The following TCF7L2 variants were observed in gnomAD, a reference collection of about 807,000 sequenced individuals.
TCF7L2 encodes the protein transcription factor 7 like 2.
In TCF7L2, 23 loss-of-function variants were observed where a neutral mutation model predicts 77.9. The observed-to-expected ratio is 0.30, with a 90% CI of 0.21 to 0.42. The LOEUF is 0.42. Among genes scored for constraint, TCF7L2 ranks in the 10% least tolerant of loss-of-function variants. The pLI, the probability that TCF7L2 is intolerant of heterozygous loss-of-function variation, is 1.00. For synonymous variants in TCF7L2, 413 were observed against 340.2 expected, an observed-to-expected ratio of 1.21 and a Z score of -2.36; for missense variants, 654 against 793.1, an observed-to-expected ratio of 0.82 and a Z score of 2.11.
intron 5 of TCF7L2, among the ~76,000 whole-genome samples, chr10:113,122,729 G>C (rs1201613361): frequency 6.6e-6 from 1 of 152,172 alleles, no homozygotes; most frequent in East Asian, 1.9e-4. Flanking sequence ...AAGTTACTAA[G>C]ATTATTAGCG....
chr10:113,047,698 C>T (rs1010901472), intron 5 of TCF7L2, among the ~76,000 whole-genome samples: 7 of 152,000 alleles, frequency 4.6e-5, no homozygotes, highest in Non-Finnish European at 7.4e-5. Context: ...ACTATTTATT[C>T]GATGCTATGT....
At chr10:113,027,006 G>A (rs140037771) in intron 4 of TCF7L2, among the ~76,000 whole-genome samples, 2 of 152,214 alleles carry the variant, frequency 1.3e-5, no homozygotes, top group African/African-American at 4.8e-5. Context: ...AGCAGAGAAC[G>A]AGTTGGGTTA....
chr10:112,966,210 A>ATATATATATATATT (rs1554877072), intron 4 of TCF7L2, among the ~76,000 whole-genome samples: 10 of 108,634 alleles, frequency 9.2e-5, no homozygotes, highest in Middle Eastern at 5.0e-3. Flanking sequence ...ATATATATAT[A>ATATATATATATATT]TTTTCTTTTC....
At chr10:113,110,390 T>TA (rs1555073690) in intron 5 of TCF7L2, among the ~76,000 whole-genome samples, 4 of 106,164 alleles carry the variant, frequency 3.8e-5, no homozygotes, top group African/African-American at 1.3e-4. Context: ...TTTTTTTTTT[T>TA]ACGAATTTTT....
chr10:112,997,485 A>G (rs2043687005), intron 4 of TCF7L2, among the ~76,000 whole-genome samples: 1 of 152,236 alleles, frequency 6.6e-6, no homozygotes, highest in Non-Finnish European at 1.5e-5. Context: ...TGGTAGTGCC[A>G]TCCAATGATA....
intron 3 of TCF7L2, chr10:112,951,823 C>T (rs892961572): frequency 1.8e-5 from 3 of 162,178 alleles, no homozygotes; most frequent in African/African-American, 7.3e-5. Flanking sequence ...TCGCCACGTT[C>T]TTGCTTTCAG....
intron 12 of TCF7L2, 142 bp downstream of exon 13, chr10:113,158,859 C>A: frequency 7.0e-6 from 5 of 711,846 alleles, no homozygotes; most frequent in East Asian, 3.4e-5. Flanking sequence ...TCGTATGTTT[C>A]AGTAGATTTT....
chr10:113,001,274 C>T (rs1327035141), intron 4 of TCF7L2, among the ~76,000 whole-genome samples: 1 of 152,212 alleles, frequency 6.6e-6, no homozygotes, highest in Non-Finnish European at 1.5e-5. Context: ...AGTGGTCCAA[C>T]AAAGAGTATT....
Position 113,036,317 on chromosome 10 carries a change from G to T in TCF7L2, c.451-3708G>T, listed in dbSNP as rs191044517. ...GATGAAGGCCCCTCTATGGGAGCAG[G>T]ATCAGTCTGGCTTTAGTAGATGCCA... On this transcript the variant is annotated intron_variant, in intron 4 of 13. Coordinates refer to ENST00000627217, the MANE Select transcript of TCF7L2 (RefSeq NM_001146274.2). 1.8e-3 allele frequency among the ~76,000 whole-genome samples: 274 copies of T among 152,188 alleles called. 1 individual carries two copies. The highest frequency in any genetic ancestry group is 5.5e-3 in the African/African-American group (229 of 41,528).
Position 113,130,180 on chromosome 10 carries a change from T to A in TCF7L2, c.553-11004T>A, listed in dbSNP as rs142828852. 4.3e-3 allele frequency among the ~76,000 whole-genome samples: 656 copies of A among 152,188 alleles called. 4 individuals carry two copies. Among genetic ancestry groups the A allele is most frequent in the African/African-American group, 0.015 (624 of 41,516 alleles). On this transcript the variant is annotated intron_variant, in intron 5 of 13. Coordinates refer to ENST00000627217, the MANE Select transcript of TCF7L2 (RefSeq NM_001146274.2). ...TTGAGTCCTTTTCACAGCAGTTTTT[T>A]GGGGAGGGGGAGAAAGGGTTAAAAA...
intron 5 of TCF7L2, among the ~76,000 whole-genome samples, chr10:113,083,879 C>A (rs755126558): frequency 3.3e-5 from 5 of 152,138 alleles, no homozygotes; most frequent in African/African-American, 1.2e-4. Context: ...ATGCATAGAA[C>A]CTTGAACTCT....
intron 5 of TCF7L2, among the ~76,000 whole-genome samples, chr10:113,087,790 T>C (rs1490268416): frequency 6.6e-6 from 1 of 152,190 alleles, no homozygotes; most frequent in Non-Finnish European, 1.5e-5. Context: ...GGGGCAGCAA[T>C]GGCCCCCTCT....
rs149500203 is a variant in TCF7L2, at chr10:113,004,844, C to T, written c.451-35181C>T. On this transcript the variant is annotated intron_variant, in intron 4 of 13. Coordinates refer to ENST00000627217, the MANE Select transcript of TCF7L2 (RefSeq NM_001146274.2). ...CCCGCCACCATGCCCGGCTAATTTT[C>T]GTGTGTTTTAGTAGAGATGGGGTTC... Among the ~76,000 whole-genome samples, 172 of 152,050 alleles carry T rather than the reference C, an allele frequency of 1.1e-3. 1 individual carries two copies. The highest frequency in any genetic ancestry group is 3.8e-3 in the African/African-American group (157 of 41,522).
chr10:113,054,852 A>AT (rs959881012), intron 5 of TCF7L2, among the ~76,000 whole-genome samples: 18 of 151,406 alleles, frequency 1.2e-4, no homozygotes, highest in Non-Finnish European at 1.6e-4. Flanking sequence ...TTTTATTTTT[A>AT]TTTTTTTCTT....
intron 4 of TCF7L2, among the ~76,000 whole-genome samples, chr10:112,997,906 A>C (rs1429640472): frequency 6.6e-6 from 1 of 152,266 alleles, no homozygotes; most frequent in Non-Finnish European, 1.5e-5. Context: ...GTGACACCTG[A>C]CGTATCTGTA....
rs117937073 is a variant in TCF7L2, at chr10:113,022,352, A to G, written c.451-17673A>G. ...GCTTGCAAGCATTTAAAAAATCTCT[A>G]TAAGTTTGAGAACTGGTTGGAAGGG... On this transcript the variant is annotated intron_variant, in intron 4 of 13. Coordinates refer to ENST00000627217, the MANE Select transcript of TCF7L2 (RefSeq NM_001146274.2). Among the ~76,000 whole-genome samples the G allele has an allele frequency of 5.8e-3, 882 of 152,294 alleles. 3 individuals carry two copies. The highest frequency in any genetic ancestry group is 0.015 in the South Asian group (71 of 4,820).
At chr10:113,083,000 T>A (rs1036318115) in intron 5 of TCF7L2, among the ~76,000 whole-genome samples, 18 of 152,088 alleles carry the variant, frequency 1.2e-4, no homozygotes, top group African/African-American at 4.3e-4. Flanking sequence ...TGTGAAAAAG[T>A]GGTCTCTTTC....
chr10:112,969,549 T>G (rs916316697), intron 4 of TCF7L2, among the ~76,000 whole-genome samples: 1 of 152,276 alleles, frequency 6.6e-6, no homozygotes, highest in Non-Finnish European at 1.5e-5. Context: ...AGTCTTGCAC[T>G]GACCTTCTGA....
At chr10:113,014,120 G>A (rs1353296742) in intron 4 of TCF7L2, among the ~76,000 whole-genome samples, 1 of 152,230 alleles carries the variant, frequency 6.6e-6, no homozygotes. Context: ...CCTCGAGTGC[G>A]TGGTCCTTAT....
Sources: allele counts gnomAD v4.1 joint callset (sites outside exome capture counted in the v4.1 genomes callset), GRCh38; gene constraint gnomAD v4.1.1; transcripts MANE v1.5; gene names NCBI Gene and HGNC (gene_info 2026-07-23, HGNC 2026-07-21).